The following NRXN3 variants were observed in gnomAD, a reference collection of about 807,000 sequenced individuals.
The protein encoded by NRXN3 is neurexin III.
A neutral mutation model predicts 137.6 loss-of-function variants in NRXN3; 32 were observed. The observed-to-expected ratio is 0.23, with a 90% confidence interval of 0.18 to 0.31. NRXN3 has a LOEUF of 0.31. Among genes scored for constraint, NRXN3 ranks in the 10% least tolerant of loss-of-function variants. NRXN3 has a pLI of 1.00. For synonymous variants in NRXN3, 798 were observed against 784.5 expected (o/e 1.02, Z -0.29); for missense variants, 1,574 against 2,062.5 (o/e 0.76, Z 4.59).
intron 6 of NRXN3, among the ~76,000 whole-genome samples, chr14:78,655,992 G>A (rs1025601746): frequency 6.6e-6 from 1 of 152,008 alleles, no homozygotes; most frequent in African/African-American, 2.4e-5. Flanking sequence ...CACTCATGAG[G>A]GACCTTCATG....
chr14:78,483,765 A>G (rs1382276372), intron 4 of NRXN3, among the ~76,000 whole-genome samples: 3 of 152,176 alleles, frequency 2.0e-5, no homozygotes, highest in Non-Finnish European at 4.4e-5. Context: ...GAGCTTTTTA[A>G]AAAGACCCTA....
chr14:78,419,036 T>G (rs1160306456), intron 4 of NRXN3, among the ~76,000 whole-genome samples: 1 of 152,190 alleles, frequency 6.6e-6, no homozygotes, highest in Non-Finnish European at 1.5e-5. Context: ...CTGGGCACAT[T>G]GCCAACCTTT....
chr14:78,414,029 A>G (rs1048113539), intron 4 of NRXN3, among the ~76,000 whole-genome samples: 3 of 152,196 alleles, frequency 2.0e-5, no homozygotes, highest in African/African-American at 2.4e-5. Flanking sequence ...GCCTGTCAGC[A>G]TGTAAGACAT....
intron 15 of NRXN3, among the ~76,000 whole-genome samples, chr14:78,988,651 A>G (rs1216157057): frequency 1.3e-5 from 2 of 152,192 alleles, no homozygotes; most frequent in African/African-American, 4.8e-5. Flanking sequence ...TTTTACAATT[A>G]GCAAAGCTTA....
chr14:78,368,449 G>A (rs1332601890), intron 4 of NRXN3, among the ~76,000 whole-genome samples: 1 of 152,184 alleles, frequency 6.6e-6, no homozygotes, highest in Non-Finnish European at 1.5e-5. Context: ...AGCGGCTTAC[G>A]CCTGTAATCC....
chr14:79,686,882 C>A (rs1208845309), intron 17 of NRXN3, among the ~76,000 whole-genome samples: 1 of 152,144 alleles, frequency 6.6e-6, no homozygotes, highest in African/African-American at 2.4e-5. Flanking sequence ...TAGAGGTGAG[C>A]TTTATCAGCC....
At chr14:79,589,086 C>T (rs1037022551) in intron 16 of NRXN3, among the ~76,000 whole-genome samples, 3 of 152,086 alleles carry the variant, frequency 2.0e-5, no homozygotes, top group Non-Finnish European at 4.4e-5. Context: ...GAAACCCAAT[C>T]TCTACAAAAA....
intron 15 of NRXN3, among the ~76,000 whole-genome samples, chr14:79,173,297 A>G (rs767496235): frequency 7.2e-5 from 11 of 152,070 alleles, no homozygotes; most frequent in Non-Finnish European, 1.5e-4. Flanking sequence ...TGTAAGGCCA[A>G]TGTGGGAGGA....
intron 15 of NRXN3, among the ~76,000 whole-genome samples, chr14:79,375,235 G>GTGT: frequency 7.7e-6 from 1 of 129,974 alleles, no homozygotes; most frequent in African/African-American, 2.9e-5. Context: ...GAGTTTTTGT[G>GTGT]TTTTTTTTTT....
intron 8 of NRXN3, among the ~76,000 whole-genome samples, chr14:78,785,261 G>C (rs543862641): frequency 1.3e-5 from 2 of 152,262 alleles, no homozygotes; most frequent in South Asian, 4.1e-4. Context: ...ATCATCTAGT[G>C]TTTTGCAATA....
At chr14:79,131,897 C>A (rs1188988167) in intron 15 of NRXN3, among the ~76,000 whole-genome samples, 1 of 136,414 alleles carries the variant, frequency 7.3e-6, no homozygotes, top group Non-Finnish European at 1.7e-5. Context: ...GTTTTTTAAG[C>A]CTGTCGGAAA....
chr14:78,784,975 CA>C (rs2098784200), intron 8 of NRXN3, among the ~76,000 whole-genome samples: 1 of 152,076 alleles, frequency 6.6e-6, no homozygotes, highest in African/African-American at 2.4e-5. Context: ...GAGATAAGAC[CA>C]GGGGCTCAGA....
chr14:79,648,449 C>T (rs1204290154), intron 16 of NRXN3, among the ~76,000 whole-genome samples: 1 of 135,488 alleles, frequency 7.4e-6, no homozygotes, highest in Admixed American at 7.8e-5. Flanking sequence ...AACTAATTCA[C>T]ATAGAAAAAT....
intron 16 of NRXN3, among the ~76,000 whole-genome samples, chr14:79,634,756 A>T (rs2098390070): frequency 6.6e-6 from 1 of 152,170 alleles, no homozygotes. Context: ...AGCCAAACTT[A>T]ACAGCACCAA....
chr14:79,385,768 G>C (rs1272938607), intron 15 of NRXN3, among the ~76,000 whole-genome samples: 13 of 152,016 alleles, frequency 8.6e-5, no homozygotes, highest in Non-Finnish European at 1.2e-4. Flanking sequence ...TTTTCAAGTG[G>C]GCTTCATCCC....
At position 78,424,445 on chromosome 14, in the gene NRXN3, T is replaced by C. The variant is rs117320157; in HGVS notation, c.757+126585T>C. 7.8e-4 allele frequency among the ~76,000 whole-genome samples: 119 copies of C among 152,342 alleles called. 1 individual carries two copies. Among genetic ancestry groups the C allele is most frequent in the Admixed American group, 1.3e-3 (20 of 15,302 alleles). On this transcript the variant is annotated intron_variant, in intron 4 of 20. Coordinates refer to ENST00000335750, the MANE Select transcript of NRXN3 (RefSeq NM_001330195.2). ...ATCAGGAAGTATCTGGACAGACTGT[T>C]GGAACAAAGCAAAATATTTAAGTTC...
In NRXN3 at chr14:78,347,140, T is replaced by C. The variant is rs1473339105; in HGVS notation, c.757+49280T>C. 2.0e-5 allele frequency among the ~76,000 whole-genome samples: 3 copies of C among 152,312 alleles called. No individual in the cohort carries two copies. In the East Asian group the frequency reaches 5.8e-4, roughly 29 times the overall value. On this transcript the variant is annotated intron_variant, in intron 4 of 20. Coordinates refer to ENST00000335750, the MANE Select transcript of NRXN3 (RefSeq NM_001330195.2). ...GTTTATGAATTGCCGTCAATTACAATCCCGGCGACAAATGCGGATGCTGGG... is the reference window on the plus strand; with the variant it reads ...GTTTATGAATTGCCGTCAATTACAACCCCGGCGACAAATGCGGATGCTGGG...
chr14:78,854,536 T>C (rs1381947380), intron 10 of NRXN3, among the ~76,000 whole-genome samples: 3 of 152,312 alleles, frequency 2.0e-5, no homozygotes, highest in African/African-American at 7.2e-5. Flanking sequence ...ATAAATTAAA[T>C]TAAAATTTAT....
chr14:79,029,887 C>T (rs945427351), intron 15 of NRXN3, among the ~76,000 whole-genome samples: 13 of 151,804 alleles, frequency 8.6e-5, no homozygotes, highest in Non-Finnish European at 1.3e-4. Flanking sequence ...ATTTTTTTCA[C>T]CCAGGCCTGA....
Sources: allele counts gnomAD v4.1 joint callset (sites outside exome capture counted in the v4.1 genomes callset), GRCh38; gene constraint gnomAD v4.1.1; transcripts MANE v1.5; gene names NCBI Gene and HGNC (gene_info 2026-07-23, HGNC 2026-07-21).